Variants in ZBTB20 observed in about 807,000 individuals in gnomAD.
The protein encoded by ZBTB20 is zinc finger and BTB domain-containing protein 20.
ZBTB20 carries 9 observed loss-of-function variants against 56.9 expected under a neutral mutation model. The ratio of observed to expected loss-of-function variants is 0.16; its 90% CI spans 0.10 to 0.28. ZBTB20 has a LOEUF of 0.28. Among genes scored for constraint, ZBTB20 ranks in the 10% least tolerant of loss-of-function variants. The probability of loss-of-function intolerance (pLI) is 1.00; values close to 1 mark genes in which losing one functional copy is unlikely to be tolerated. For synonymous variants in ZBTB20, 417 were observed against 420.7 expected, an observed-to-expected ratio of 0.99 and a Z score of 0.11; for missense variants, 655 against 1,003.0, an observed-to-expected ratio of 0.65 and a Z score of 4.69.
At chr3:114,954,041 A>C (rs2077164596) in intron 3 of ZBTB20, among the ~76,000 whole-genome samples, 1 of 152,124 alleles carries the variant, frequency 6.6e-6, no homozygotes, top group Non-Finnish European at 1.5e-5. Context: ...TCTTTGTAAG[A>C]TGTAAACTGA....
At chr3:114,408,928 G>A (rs545080353) in intron 7 of ZBTB20, among the ~76,000 whole-genome samples, 14 of 152,112 alleles carry the variant, frequency 9.2e-5, no homozygotes, top group South Asian at 2.1e-4. Flanking sequence ...AGCAGCGCTC[G>A]TCCGCCGTCC....
At chr3:114,664,908 C>A (rs1379656229) in intron 6 of ZBTB20, among the ~76,000 whole-genome samples, 2 of 151,996 alleles carry the variant, frequency 1.3e-5, no homozygotes. Context: ...CAGGGTCTTG[C>A]ATATACATAG....
At chr3:114,471,490 G>A (rs772199357) in intron 7 of ZBTB20, among the ~76,000 whole-genome samples, 1 of 152,214 alleles carries the variant, frequency 6.6e-6, no homozygotes, top group Non-Finnish European at 1.5e-5. Context: ...ATTGGAGTGG[G>A]AACAGATGAG....
At chr3:114,532,994 C>T (rs990626255) in intron 6 of ZBTB20, among the ~76,000 whole-genome samples, 7 of 152,122 alleles carry the variant, frequency 4.6e-5, no homozygotes, top group East Asian at 3.9e-4. Context: ...AGATCACCAG[C>T]GTCAAAGACC....
At chr3:114,675,298 T>A (rs1041979310) in intron 6 of ZBTB20, among the ~76,000 whole-genome samples, 1 of 137,026 alleles carries the variant, frequency 7.3e-6, no homozygotes, top group Non-Finnish European at 1.5e-5. Context: ...ATGAATATTA[T>A]CATATTTTTC....
chr3:114,595,600 G>C (rs1409494857), intron 6 of ZBTB20, among the ~76,000 whole-genome samples: 1 of 152,166 alleles, frequency 6.6e-6, no homozygotes, highest in Non-Finnish European at 1.5e-5. Context: ...ATTCCTCCAA[G>C]GACCATTAAG....
chr3:114,366,624 A>G (rs1367747620), intron 10 of ZBTB20: 1 of 152,218 alleles, frequency 6.6e-6, no homozygotes, highest in Non-Finnish European at 1.5e-5. Context: ...TTGGCTTTCA[A>G]TCTAATCTGC....
Position 114,979,845 on chromosome 3 carries a change from A to G in ZBTB20, c.-506-5429T>C, listed in dbSNP as rs112962860. On this transcript the variant is annotated intron_variant, in intron 2 of 11. Coordinates refer to ENST00000675478, the MANE Select transcript of ZBTB20 (RefSeq NM_001348800.3). ...TTGGATATATTATTAGAGTTTTTAA[A>G]ACACCAGGGAAATCTGGTAAGTTCT... 3.7e-3 allele frequency among the ~76,000 whole-genome samples: 562 copies of G among 152,172 alleles called. 4 individuals carry two copies. Among genetic ancestry groups the G allele is most frequent in the African/African-American group, 0.013 (524 of 41,564 alleles).
chr3:114,874,485 A>T (rs1229525875), intron 4 of ZBTB20, among the ~76,000 whole-genome samples: 3 of 152,184 alleles, frequency 2.0e-5, no homozygotes, highest in Non-Finnish European at 1.5e-5. Flanking sequence ...CAGACCTGCA[A>T]GTTAATATTA....
intron 4 of ZBTB20, among the ~76,000 whole-genome samples, chr3:114,893,678 T>C (rs1414541118): frequency 1.4e-5 from 2 of 146,696 alleles, no homozygotes; most frequent in Admixed American, 1.4e-4. Flanking sequence ...AAAGACTGGA[T>C]AAAAGAAAAA....
chr3:115,141,768 G>T (rs1378226278), intron 1 of ZBTB20, among the ~76,000 whole-genome samples: 1 of 152,292 alleles, frequency 6.6e-6, no homozygotes, highest in East Asian at 1.9e-4. Context: ...GCAAAGAAAT[G>T]ACTGTGTCTA....
intron 5 of ZBTB20, among the ~76,000 whole-genome samples, 174 bp downstream of exon 5, chr3:114,800,927 C>T (rs1440062638): frequency 2.6e-5 from 4 of 151,678 alleles, no homozygotes; most frequent in Non-Finnish European, 4.4e-5. Flanking sequence ...AAAAGACATA[C>T]TGAATATTGA....
chr3:114,984,224 T>C (rs955713010), intron 2 of ZBTB20, among the ~76,000 whole-genome samples: 4 of 152,070 alleles, frequency 2.6e-5, no homozygotes, highest in African/African-American at 9.7e-5. Flanking sequence ...TTCCCAGTCC[T>C]AATCTTTTTC....
chr3:114,579,815 T>C (rs2054463054), intron 6 of ZBTB20, among the ~76,000 whole-genome samples: 1 of 151,604 alleles, frequency 6.6e-6, no homozygotes, highest in Admixed American at 6.6e-5. Flanking sequence ...AACTGTGAAC[T>C]GTATTTAAAA....
At chr3:114,464,352 C>T (rs1378813200) in intron 7 of ZBTB20, among the ~76,000 whole-genome samples, 3 of 152,162 alleles carry the variant, frequency 2.0e-5, no homozygotes, top group Non-Finnish European at 4.4e-5. Context: ...AACATGATCT[C>T]TTTTAAAAGG....
chr3:114,748,184 G>A (rs982382604), intron 5 of ZBTB20, among the ~76,000 whole-genome samples: 3 of 152,132 alleles, frequency 2.0e-5, no homozygotes, highest in African/African-American at 7.2e-5. Context: ...CTCATGATGA[G>A]TAATTCAAAG....
intron 7 of ZBTB20, among the ~76,000 whole-genome samples, chr3:114,434,701 A>G (rs1160509947): frequency 6.6e-6 from 1 of 152,086 alleles, no homozygotes; most frequent in Non-Finnish European, 1.5e-5. Context: ...CTTACATTTG[A>G]GCAGCGTTTT....
At chr3:114,437,819 C>A (rs2090617132) in intron 7 of ZBTB20, among the ~76,000 whole-genome samples, 1 of 152,078 alleles carries the variant, frequency 6.6e-6, no homozygotes, top group Non-Finnish European at 1.5e-5. Context: ...ATGTCGAACA[C>A]CCCTTGAGTT....
rs374255851 is a variant in ZBTB20 at position 114,669,626 on chromosome 3, TA to T, written c.-295+23901del. ...TGGTTTATAAAAGCAGTGAACACAT[TA>T]AAAAAAAAAAAACTAGCCCAAATGA... On this transcript the variant is annotated intron_variant, in intron 6 of 11. Transcript: ENST00000675478. Among the ~76,000 whole-genome samples, 1,174 of 142,376 alleles carry T rather than the reference TA, an allele frequency of 8.2e-3. 18 individuals are homozygous for T. Among genetic ancestry groups the T allele is most frequent in the African/African-American group, 0.024 (934 of 39,106 alleles). The allele number at this position is 142,376 out of a possible 152,430, so 93.4% of individuals were successfully genotyped here.
Sources: allele counts gnomAD v4.1 joint callset (sites outside exome capture counted in the v4.1 genomes callset), GRCh38; gene constraint gnomAD v4.1.1; transcripts MANE v1.5; gene names NCBI Gene and HGNC (gene_info 2026-07-23, HGNC 2026-07-21).